STOX2: variants seen among roughly 807,000 people sequenced by gnomAD.
STOX2 encodes the protein storkhead box 2.
A neutral mutation model predicts 60.9 loss-of-function variants in STOX2; 28 were observed. That is an observed-to-expected ratio of 0.46 (90% CI 0.34 to 0.63). The LOEUF (loss-of-function observed/expected upper bound fraction) is 0.63. STOX2 is among the 30% of genes least tolerant of loss of function. The pLI, the probability that STOX2 is intolerant of heterozygous loss-of-function variation, is 0.01. For missense variants in STOX2, 1,024 were observed against 1,187.7 expected, an observed-to-expected ratio of 0.86 and a Z score of 2.03; for synonymous variants, 472 against 463.9, an observed-to-expected ratio of 1.02 and a Z score of -0.22.
At chr4:183,934,741 C>G (rs961817419) in intron 1 of STOX2, among the ~76,000 whole-genome samples, 1 of 152,138 alleles carries the variant, frequency 6.6e-6, no homozygotes, top group Non-Finnish European at 1.5e-5. Context: ...TATCTACACA[C>G]ATAATTTCAA....
chr4:183,957,404 C>T (rs1743282451), intron 1 of STOX2, among the ~76,000 whole-genome samples: 2 of 152,142 alleles, frequency 1.3e-5, no homozygotes, highest in Admixed American at 1.3e-4. Context: ...TTGCTTTAAT[C>T]ACTTGTTGCA....
At chr4:183,798,691 A>G in intron 1 of STOX2, 1 of 985,448 alleles carries the variant, frequency 1.0e-6, no homozygotes, top group Non-Finnish European at 1.2e-6. Flanking sequence ...AGAGACACAA[A>G]GAGGCCGGAG....
In STOX2 at chr4:184,018,728, G is replaced by T. The variant is rs1369250119; in HGVS notation, c.*1444G>T. 6.6e-6 allele frequency: 1 copy of T among 152,118 alleles called. No individual in the cohort carries two copies. Among genetic ancestry groups the T allele is most frequent in the Admixed American group, 6.5e-5 (1 of 15,276 alleles). 9.4% of individuals were successfully genotyped at this position (152,118 alleles called of 1,614,324 possible). The stretch of plus-strand genomic sequence containing the variant: ...ACACAAAGAAGACCCAGCAGCAAAG[G>T]GATGACCAATAATTTCATCTTATAG... On this transcript the variant is annotated 3_prime_UTR_variant, in exon 4 of 4. Transcript: ENST00000308497.
chr4:183,913,970 A>T (rs1474456313), intron 1 of STOX2, among the ~76,000 whole-genome samples: 1 of 152,218 alleles, frequency 6.6e-6, no homozygotes, highest in Non-Finnish European at 1.5e-5. Context: ...TTCCTATGAA[A>T]TTATGGGTTT....
chr4:183,975,489 G>C (rs1206610977), intron 1 of STOX2, among the ~76,000 whole-genome samples: 4 of 152,004 alleles, frequency 2.6e-5, no homozygotes, highest in Non-Finnish European at 5.9e-5. Flanking sequence ...GCATGAAAGA[G>C]GGCATATCAC....
At chr4:183,841,635 G>A (rs138245708) in intron 1 of STOX2, among the ~76,000 whole-genome samples, 211 of 152,126 alleles carry the variant, frequency 1.4e-3, no homozygotes, top group African/African-American at 4.7e-3. Context: ...CACTATTTTT[G>A]AACATTTAAA....
chr4:183,815,864 A>G (rs1739142436), intron 1 of STOX2, among the ~76,000 whole-genome samples: 1 of 152,258 alleles, frequency 6.6e-6, no homozygotes, highest in South Asian at 2.1e-4. Context: ...GGAAAATGTC[A>G]AACTTTAGAC....
At chr4:183,852,792 G>A (rs1448224099) in intron 1 of STOX2, among the ~76,000 whole-genome samples, 3 of 152,212 alleles carry the variant, frequency 2.0e-5, no homozygotes, top group Non-Finnish European at 4.4e-5. Flanking sequence ...TGGTGTAAGG[G>A]TGCGTCAGCG....
upstream of STOX2, among the ~76,000 whole-genome samples, chr4:183,903,369 C>T (rs1741505092): frequency 6.6e-6 from 1 of 152,184 alleles, no homozygotes; most frequent in Non-Finnish European, 1.5e-5. Context: ...CACCATCTCC[C>T]CCACTCTTTG....
chr4:183,951,083 G>T (rs547279302), intron 1 of STOX2, among the ~76,000 whole-genome samples: 31 of 151,930 alleles, frequency 2.0e-4, no homozygotes, highest in African/African-American at 6.5e-4. Context: ...GGGCGTGGTG[G>T]CGGGCGCCTG....
At position 184,019,563 on chromosome 4, in the gene STOX2, GA is replaced by G. The variant is rs1285937346; in HGVS notation, c.*2280del. The G allele has an allele frequency of 1.3e-5, 2 of 152,188 alleles. No individual in the cohort carries two copies. Among genetic ancestry groups the G allele is most frequent in the African/African-American group, 4.8e-5 (2 of 41,440 alleles). The allele number at this position is 152,188 out of a possible 1,614,324, so 9.4% of individuals were successfully genotyped here. A position where few individuals can be genotyped will look rare whatever the true frequency, so the allele number is the denominator to read the frequency against. ...CAGGAAAGGAAAGCGTTACCTTTAA[GA>G]GAAGCTTTAAAATAGGAATTTATTG... On this transcript the variant is annotated 3_prime_UTR_variant, in exon 4 of 4. Coordinates refer to ENST00000308497, the MANE Select transcript of STOX2 (RefSeq NM_020225.3).
chr4:183,962,449 A>T (rs971921626), intron 1 of STOX2, among the ~76,000 whole-genome samples: 1 of 152,216 alleles, frequency 6.6e-6, no homozygotes, highest in Non-Finnish European at 1.5e-5. Flanking sequence ...CAAATGCAAA[A>T]TTAATACGTT....
intron 1 of STOX2, among the ~76,000 whole-genome samples, chr4:183,940,528 C>T (rs1742726754): frequency 6.6e-6 from 1 of 152,172 alleles, no homozygotes; most frequent in Non-Finnish European, 1.5e-5. Flanking sequence ...CTGATTTTTG[C>T]ACAATCCTGC....
intron 1 of STOX2, among the ~76,000 whole-genome samples, chr4:183,932,776 C>T (rs1742475859): frequency 1.3e-5 from 2 of 152,138 alleles, no homozygotes; most frequent in South Asian, 2.1e-4. Flanking sequence ...ATGGGGAACC[C>T]GACTTCCTAC....
At chr4:183,941,464 A>G (rs1320597989) in intron 1 of STOX2, among the ~76,000 whole-genome samples, 1 of 152,174 alleles carries the variant, frequency 6.6e-6, no homozygotes, top group Non-Finnish European at 1.5e-5. Flanking sequence ...GCTACTTGGG[A>G]GGCTGAGGCA....
intron 1 of STOX2, among the ~76,000 whole-genome samples, chr4:183,936,717 G>A (rs1742602410): frequency 6.6e-6 from 1 of 152,130 alleles, no homozygotes; most frequent in South Asian, 2.1e-4. Flanking sequence ...TGAATATTTA[G>A]GACTGCCAGC....
Position 184,010,479 on chromosome 4 carries a change from G to T in STOX2, c.1641G>T (p.Ser547=). The T allele has an allele frequency of 6.2e-7, 1 of 1,613,754 alleles. No individual in the cohort carries two copies. Among genetic ancestry groups the T allele is most frequent in the Non-Finnish European group, 8.5e-7 (1 of 1,179,810 alleles). ...QTVSLQRAHI[S]STSYKEVCIP... is the part of the protein sequence containing the mutation. ...TTAGTCTCCAAAGGGCTCACATTTC[G>T]TCCACAAGCTATAAAGAGGTGTGTA... The change falls in exon 3 of 4, where the codon TCG becomes TCT. Residue 547 remains serine (S), a synonymous_variant. Coordinates refer to ENST00000308497, the MANE Select transcript of STOX2 (RefSeq NM_020225.3). This position sits in a 1 kb window ranked among gnomAD's most constrained non-coding sequence, Gnocchi z 4.5.
chr4:183,907,888 G>T (rs1411944925), intron 1 of STOX2, among the ~76,000 whole-genome samples: 1 of 152,138 alleles, frequency 6.6e-6, no homozygotes, highest in Non-Finnish European at 1.5e-5. Flanking sequence ...TTCATTCAGA[G>T]AAAAATTTAG....
At chr4:184,002,274 G>A (rs77794247) in intron 2 of STOX2, among the ~76,000 whole-genome samples, 8,149 of 152,206 alleles carry the variant, frequency 0.054, 783 homozygotes, top group African/African-American at 0.19. Flanking sequence ...ATACATTATC[G>A]GGCTACCAGT....
Sources: gnomAD v4.1 joint callset for allele counts (sites outside exome capture counted in the v4.1 genomes callset) on GRCh38, gnomAD v4.1.1 for gene constraint, Gnocchi (gnomAD v3.1) non-coding constraint, MANE v1.5 for transcripts, NCBI Gene and HGNC (gene_info 2026-07-23, HGNC 2026-07-21) for gene names.